Variants in CNTLN observed in about 807,000 individuals in gnomAD.
CNTLN encodes centlein, centrosomal protein.
A neutral mutation model predicts 180.0 loss-of-function variants in CNTLN; 212 were observed. The ratio of observed to expected loss-of-function variants is 1.18; its 90% CI spans 1.05 to 1.32. CNTLN has a LOEUF of 1.32. Among genes scored for constraint, CNTLN ranks in the 40% most tolerant of loss-of-function variants. The pLI is 0.00. For synonymous variants in CNTLN, 722 were observed against 563.1 expected, an observed-to-expected ratio of 1.28 and a Z score of -3.99; for missense variants, 2,095 against 1,610.9, an observed-to-expected ratio of 1.30 and a Z score of -5.14.
At position 17,433,848 on chromosome 9, in the gene CNTLN, C is replaced by T. The variant is rs148967652; in HGVS notation, c.3114+17659C>T. ...CTCTCACCTTGGCCTCCCAAAGTTC[C>T]GGGATTATAGGCATGAACTACCATG... is the stretch of plus-strand genomic sequence containing the variant. On this transcript the variant is annotated intron_variant, in intron 18 of 25. Coordinates refer to ENST00000380647, the MANE Select transcript of CNTLN (RefSeq NM_017738.4). 1.2e-3 allele frequency among the ~76,000 whole-genome samples: 176 copies of T among 152,140 alleles called. 2 individuals are homozygous for T. Among genetic ancestry groups the T allele is most frequent in the African/African-American group, 4.1e-3 (169 of 41,518 alleles).
chr9:17,274,505 G>C (rs200956124), intron 6 of CNTLN, among the ~76,000 whole-genome samples: 5 of 86,926 alleles, frequency 5.8e-5, no homozygotes, highest in East Asian at 3.8e-4. Flanking sequence ...ATCTATCTAT[G>C]TATCTTTCTA....
At chr9:17,307,137 G>A (rs772981265) in intron 7 of CNTLN, among the ~76,000 whole-genome samples, 2 of 152,142 alleles carry the variant, frequency 1.3e-5, no homozygotes, top group African/African-American at 4.8e-5. Flanking sequence ...GTAATGAGAA[G>A]GGAAAGTATA....
intron 2 of CNTLN, among the ~76,000 whole-genome samples, chr9:17,187,376 C>T (rs1344170941): frequency 1.3e-5 from 2 of 151,936 alleles, no homozygotes; most frequent in African/African-American, 4.8e-5. Context: ...TATTCCTGCG[C>T]TTTCATGTTT....
intron 21 of CNTLN, among the ~76,000 whole-genome samples, chr9:17,464,886 A>G (rs779351274): frequency 6.6e-6 from 1 of 151,256 alleles, no homozygotes; most frequent in African/African-American, 2.4e-5. Flanking sequence ...CAATATTTCT[A>G]GGATACATAA....
At position 17,404,517 on chromosome 9, in the gene CNTLN, C is replaced by T. The variant is rs139229402; in HGVS notation, c.2616-4776C>T. 2.1e-4 allele frequency among the ~76,000 whole-genome samples: 32 copies of T among 151,618 alleles called. 1 individual carries two copies. Among genetic ancestry groups the T allele is most frequent in the African/African-American group, 7.1e-4 (29 of 41,084 alleles). On this transcript the variant is annotated intron_variant, in intron 15 of 25. Transcript: ENST00000380647. ...GGATTCCCTATACTGAGCTAAAAAG[C>T]GTCAAAAGGAGCTACGGTATTAGCC...
intron 6 of CNTLN, among the ~76,000 whole-genome samples, chr9:17,276,831 C>T (rs1453699100): frequency 2.6e-5 from 4 of 151,872 alleles, no homozygotes; most frequent in Non-Finnish European, 5.9e-5. Context: ...AGTTGTTATA[C>T]TGTATTTTTT....
chr9:17,520,605 C>A, the CNTLN span, among the ~76,000 whole-genome samples: 2 of 152,188 alleles, frequency 1.3e-5, no homozygotes, highest in East Asian at 1.9e-4. Context: ...CAAATGCAAT[C>A]CAGCATAGTT....
chr9:17,377,171 G>A (rs1474424607), intron 13 of CNTLN, among the ~76,000 whole-genome samples: 2 of 152,072 alleles, frequency 1.3e-5, no homozygotes, highest in East Asian at 3.9e-4. Flanking sequence ...AACGAATTCA[G>A]TACTCATCAC....
intron 24 of CNTLN, among the ~76,000 whole-genome samples, chr9:17,486,125 G>C (rs981872289): frequency 1.3e-5 from 2 of 152,102 alleles, no homozygotes; most frequent in African/African-American, 4.8e-5. Context: ...TTATAGACCA[G>C]AGCTTATTTA....
At chr9:17,429,859 A>G (rs1829312528) in intron 18 of CNTLN, among the ~76,000 whole-genome samples, 2 of 152,022 alleles carry the variant, frequency 1.3e-5, no homozygotes, top group African/African-American at 2.4e-5. Flanking sequence ...TTAAAAATAT[A>G]ATAATTTGAG....
At chr9:17,296,881 C>A (rs1233983222) in intron 6 of CNTLN, among the ~76,000 whole-genome samples, 1 of 152,166 alleles carries the variant, frequency 6.6e-6, no homozygotes, top group African/African-American at 2.4e-5. Flanking sequence ...ACTCCTTGCT[C>A]CCATACTAAT....
chr9:17,365,047 A>G (rs1052343122), intron 12 of CNTLN, among the ~76,000 whole-genome samples: 1 of 152,110 alleles, frequency 6.6e-6, no homozygotes. Context: ...TTATCTGTCA[A>G]CCAGGTAGGG....
intron 10 of CNTLN, among the ~76,000 whole-genome samples, chr9:17,333,803 T>C (rs1224490251): frequency 6.6e-6 from 1 of 152,122 alleles, no homozygotes. Context: ...ATAAAGAACT[T>C]AGATAAACAC....
chr9:17,312,366 A>ATATATATATATTATATATATATATAT (rs1563984897), intron 8 of CNTLN, among the ~76,000 whole-genome samples: 11 of 9,322 alleles, frequency 1.2e-3, no homozygotes, highest in African/African-American at 1.7e-3. Context: ...TATATATATT[A>ATATATATATATTATATATATATATAT]TATATATATA....
chr9:17,276,588 C>G (rs980921685), intron 6 of CNTLN, among the ~76,000 whole-genome samples: 4 of 151,832 alleles, frequency 2.6e-5, no homozygotes, highest in African/African-American at 9.7e-5. Context: ...TGAACTCTAC[C>G]TCAAATGATT....
chr9:17,282,963 C>T (rs1319176829), intron 6 of CNTLN, among the ~76,000 whole-genome samples: 2 of 152,098 alleles, frequency 1.3e-5, no homozygotes, highest in African/African-American at 2.4e-5. Flanking sequence ...GTTTTTGTAC[C>T]AGTACCGTGT....
chr9:17,366,579 A>C (rs761193866), intron 12 of CNTLN, 38 bp from the exon 13 acceptor site: 17 of 999,190 alleles, frequency 1.7e-5, no homozygotes, highest in Non-Finnish European at 1.4e-5. Flanking sequence ...TAAATAAAAC[A>C]ATATGGTTTT....
intron 25 of CNTLN, among the ~76,000 whole-genome samples, chr9:17,496,547 G>A (rs1331604882): frequency 6.6e-6 from 1 of 152,152 alleles, no homozygotes; most frequent in East Asian, 1.9e-4. Context: ...TGCAGTTTAG[G>A]ATTTCAACAT....
At chr9:17,391,489 C>T (rs1826109472) in intron 14 of CNTLN, among the ~76,000 whole-genome samples, 1 of 152,060 alleles carries the variant, frequency 6.6e-6, no homozygotes, top group South Asian at 2.1e-4. Context: ...ATTTAAGGTA[C>T]TTGGCAAGCC....
Sources: gnomAD v4.1 joint callset for allele counts (sites outside exome capture counted in the v4.1 genomes callset) on GRCh38, gnomAD v4.1.1 for gene constraint, MANE v1.5 for transcripts, NCBI Gene and HGNC (gene_info 2026-07-23, HGNC 2026-07-21) for gene names.